Variants in ST6GALNAC3 observed in about 807,000 individuals in gnomAD.
ST6GALNAC3 encodes alpha-N-acetylgalactosaminide alpha-2,6-sialyltransferase 3.
ST6GALNAC3 carries 25 observed loss-of-function variants against 32.7 expected under a neutral mutation model. The observed-to-expected ratio is 0.76, with a 90% CI of 0.56 to 1.07. ST6GALNAC3 has a LOEUF of 1.07. ST6GALNAC3 is among the 50% of genes least tolerant of loss of function. ST6GALNAC3 has a pLI of 0.00. For missense variants in ST6GALNAC3, 355 were observed against 382.4 expected (o/e 0.93, Z 0.60); for synonymous variants, 129 against 133.1 (o/e 0.97, Z 0.21).
chr1:76,091,493 C>A (rs963788300), intron 1 of ST6GALNAC3, among the ~76,000 whole-genome samples: 1 of 152,174 alleles, frequency 6.6e-6, no homozygotes. Context: ...TTTTTGCCCT[C>A]AAGGCAGCTA....
intron 2 of ST6GALNAC3, among the ~76,000 whole-genome samples, chr1:76,375,019 T>C (rs1200817564): frequency 6.6e-6 from 1 of 152,170 alleles, no homozygotes; most frequent in Non-Finnish European, 1.5e-5. Flanking sequence ...AAATACCTGT[T>C]TCAAGAGGTT....
intron 3 of ST6GALNAC3, among the ~76,000 whole-genome samples, chr1:76,435,431 A>G (rs1656072320): frequency 6.6e-6 from 1 of 152,320 alleles, no homozygotes; most frequent in African/African-American, 2.4e-5. Context: ...TTTTTGAGAA[A>G]TAAGGAATAT....
At chr1:76,458,627 T>C (rs891192816) in intron 3 of ST6GALNAC3, among the ~76,000 whole-genome samples, 2 of 149,856 alleles carry the variant, frequency 1.3e-5, no homozygotes, top group African/African-American at 4.9e-5. Flanking sequence ...CAGTAAACTA[T>C]TGCAAGAACA....
In ST6GALNAC3 at chr1:76,167,098, C is replaced by T. The variant is rs2100402265; in HGVS notation, c.18+92214C>T. On this transcript the variant is annotated intron_variant, in intron 1 of 4. Coordinates refer to ENST00000328299, the MANE Select transcript of ST6GALNAC3 (RefSeq NM_152996.4). ...TGCTGGTTTTCAAGGGAAATGCTTC[C>T]AGCTTTTACCCATTCATTATGGTGT... 1.3e-5 allele frequency among the ~76,000 whole-genome samples: 2 copies of T among 152,232 alleles called. 1 individual carries two copies. Among genetic ancestry groups the T allele is most frequent in the South Asian group, 4.2e-4 (2 of 4,814 alleles).
At chr1:76,544,583 T>A (rs1326500203) in intron 3 of ST6GALNAC3, among the ~76,000 whole-genome samples, 2 of 152,134 alleles carry the variant, frequency 1.3e-5, no homozygotes, top group Non-Finnish European at 2.9e-5. Context: ...AACTTGCCAT[T>A]TAATACACCA....
intron 1 of ST6GALNAC3, among the ~76,000 whole-genome samples, chr1:76,260,350 C>T (rs1369789262): frequency 1.3e-5 from 2 of 152,340 alleles, no homozygotes; most frequent in East Asian, 1.9e-4. Context: ...TTTTGAATGT[C>T]AATCTGTGGA....
At chr1:76,520,820 A>T (rs930753886) in intron 3 of ST6GALNAC3, among the ~76,000 whole-genome samples, 1 of 152,208 alleles carries the variant, frequency 6.6e-6, no homozygotes, top group Non-Finnish European at 1.5e-5. Context: ...TTGTAACTAC[A>T]TGGTACACAG....
At chr1:76,345,389 G>T (rs981113256) in intron 2 of ST6GALNAC3, among the ~76,000 whole-genome samples, 2 of 151,914 alleles carry the variant, frequency 1.3e-5, no homozygotes, top group Non-Finnish European at 2.9e-5. Flanking sequence ...GAGAGTAAGG[G>T]GTAAGAGAAG....
chr1:76,252,529 G>A (rs895825322), intron 1 of ST6GALNAC3, among the ~76,000 whole-genome samples: 2 of 151,916 alleles, frequency 1.3e-5, no homozygotes, highest in East Asian at 3.9e-4. Context: ...TATTTTACCA[G>A]TTCCCTTGAG....
chr1:76,306,191 A>G (rs138266538), intron 1 of ST6GALNAC3, among the ~76,000 whole-genome samples: 33 of 152,234 alleles, frequency 2.2e-4, no homozygotes, highest in African/African-American at 7.5e-4. Context: ...TATTAAAAAG[A>G]CAACTACAGG....
intron 3 of ST6GALNAC3, among the ~76,000 whole-genome samples, chr1:76,525,093 A>T (rs1433138212): frequency 1.3e-5 from 2 of 152,120 alleles, no homozygotes; most frequent in Non-Finnish European, 2.9e-5. Flanking sequence ...TAAACAAGAC[A>T]GTGAAAAGAA....
intron 3 of ST6GALNAC3, among the ~76,000 whole-genome samples, chr1:76,449,004 G>A (rs964838682): frequency 6.6e-6 from 1 of 152,078 alleles, no homozygotes; most frequent in Non-Finnish European, 1.5e-5. Context: ...TGTATTTTTA[G>A]TAGAGACAGG....
intron 1 of ST6GALNAC3, among the ~76,000 whole-genome samples, chr1:76,271,874 C>A (rs1658861691): frequency 6.6e-6 from 1 of 152,010 alleles, no homozygotes; most frequent in South Asian, 2.1e-4. Flanking sequence ...AAAAGCAGAG[C>A]CAATGTGGAT....
intron 3 of ST6GALNAC3, among the ~76,000 whole-genome samples, chr1:76,621,754 G>GA (rs1312364755): frequency 1.6e-4 from 25 of 151,694 alleles, no homozygotes; most frequent in African/African-American, 5.6e-4. Flanking sequence ...ATGTGCTTTT[G>GA]AAAAAAATGA....
intron 2 of ST6GALNAC3, among the ~76,000 whole-genome samples, chr1:76,325,551 A>G (rs1009618426): frequency 1.3e-5 from 2 of 151,654 alleles, no homozygotes; most frequent in Non-Finnish European, 2.9e-5. Context: ...TTTTGCCAAT[A>G]ACTATTTATT....
At chr1:76,557,736 G>A (rs1298000810) in intron 3 of ST6GALNAC3, among the ~76,000 whole-genome samples, 2 of 152,166 alleles carry the variant, frequency 1.3e-5, no homozygotes, top group Non-Finnish European at 2.9e-5. Context: ...AGATAGGCTG[G>A]AAACTAACCC....
intron 3 of ST6GALNAC3, among the ~76,000 whole-genome samples, chr1:76,440,331 G>A (rs1656484669): frequency 6.6e-6 from 1 of 152,200 alleles, no homozygotes; most frequent in South Asian, 2.1e-4. Context: ...TTACATTTTC[G>A]AAAAGTAAGC....
chr1:76,629,851 A>G lies in ST6GALNAC3; in HGVS notation c.*1045A>G. ...CCCAAGGTGTGTTTCTCCAAACATT[A>G]CATTCTCATTGCCAAGTGCCAGCTG... On this transcript the variant is annotated 3_prime_UTR_variant, in exon 5 of 5. Transcript: ENST00000328299. 1.0e-6 allele frequency: 1 copy of G among 983,314 alleles called. No homozygotes were observed. Among genetic ancestry groups the G allele is most frequent in the South Asian group, 4.7e-5 (1 of 21,254 alleles). 60.9% of individuals were successfully genotyped at this position (983,314 alleles called of 1,614,324 possible).
intron 1 of ST6GALNAC3, among the ~76,000 whole-genome samples, chr1:76,261,465 C>T (rs1658230022): frequency 6.6e-6 from 1 of 152,194 alleles, no homozygotes; most frequent in Non-Finnish European, 1.5e-5. Context: ...CGGAGTTGAG[C>T]TCCTAGGTGA....
Sources: allele counts gnomAD v4.1 joint callset (sites outside exome capture counted in the v4.1 genomes callset), GRCh38; gene constraint gnomAD v4.1.1; transcripts MANE v1.5; gene names NCBI Gene and HGNC (gene_info 2026-07-23, HGNC 2026-07-21).